Variants in TMPRSS11A observed in about 807,000 individuals in gnomAD.
The protein encoded by TMPRSS11A is transmembrane serine protease 11A.
In TMPRSS11A, 53 loss-of-function variants were observed where a neutral mutation model predicts 58.9. The observed-to-expected ratio is 0.90, with a 90% confidence interval of 0.72 to 1.13. The LOEUF (loss-of-function observed/expected upper bound fraction) is 1.13, where lower values mean the gene tolerates loss of function less well. Ranked by LOEUF, TMPRSS11A falls within the 50% of genes most tolerant of loss-of-function variation. TMPRSS11A has a pLI of 0.00. For missense variants in TMPRSS11A, 493 were observed against 499.3 expected (o/e 0.99, Z 0.12); for synonymous variants, 167 against 169.8 (o/e 0.98, Z 0.13).
At chr4:67,958,789 T>A (rs1237927672) in intron 1 of TMPRSS11A, among the ~76,000 whole-genome samples, 1 of 152,128 alleles carries the variant, frequency 6.6e-6, no homozygotes, top group African/African-American at 2.4e-5. Flanking sequence ...CCAAATCTCA[T>A]CTTGAACTGT....
chr4:67,927,699 C>T lies in TMPRSS11A; in HGVS notation c.481+2181G>A, dbSNP rs187652082. Among the ~76,000 whole-genome samples the T allele has an allele frequency of 1.0e-2, 1,518 of 152,280 alleles. 25 individuals carry two copies. Among genetic ancestry groups the T allele is most frequent in the African/African-American group, 0.034 (1,428 of 41,554 alleles). Reference sequence around the variant, plus strand: ...AGGTTTCTGGCCAGAAAAGCAACACCCCCTAGGCTCCCATATCACTAACAA... The same window carrying T: ...AGGTTTCTGGCCAGAAAAGCAACACTCCCTAGGCTCCCATATCACTAACAA... On this transcript the variant is annotated intron_variant, in intron 5 of 9. Transcript: ENST00000508048.
chr4:67,924,523 C>A (rs1361046593), intron 5 of TMPRSS11A, among the ~76,000 whole-genome samples: 1 of 152,136 alleles, frequency 6.6e-6, no homozygotes, highest in African/African-American at 2.4e-5. Context: ...ACAGAGGAAA[C>A]AGGTTATATT....
Position 67,911,180 on chromosome 4 carries a change from T to A in TMPRSS11A, c.*162A>T, listed in dbSNP as rs1719966269. 4.9e-6 allele frequency: 3 copies of A among 607,578 alleles called. No homozygotes were observed. The highest frequency in any genetic ancestry group is 8.1e-6 in the Non-Finnish European group (3 of 368,776). 37.6% of individuals were successfully genotyped at this position (607,578 alleles called of 1,614,324 possible). A position where few individuals can be genotyped will look rare whatever the true frequency, so the allele number is the denominator to read the frequency against. ...AGTCCCTTATAAATTGGCTAAGGAT[T>A]ATTGGTTGATTAAAGTGATTCTAAA... On this transcript the variant is annotated 3_prime_UTR_variant, in exon 10 of 10. Coordinates refer to ENST00000508048, the MANE Select transcript of TMPRSS11A (RefSeq NM_001114387.2).
chr4:67,930,060 G>C lies in TMPRSS11A; in HGVS notation c.321-20C>G. On this transcript the variant is annotated intron_variant, in intron 4 of 9. Transcript: ENST00000508048. ...TCTGGACTGTGACACACAAAAGAAA[G>C]GTACATTTTCAAAGAATACACCTGG... The C allele has an allele frequency of 6.3e-7, 1 of 1,592,180 alleles. No homozygotes were observed. Among genetic ancestry groups the C allele is most frequent in the Non-Finnish European group, 8.6e-7 (1 of 1,166,136 alleles).
intron 9 of TMPRSS11A, among the ~76,000 whole-genome samples, 189 bp downstream of exon 9, chr4:67,914,399 C>T (rs1720089416): frequency 1.3e-5 from 2 of 152,150 alleles, no homozygotes; most frequent in Admixed American, 1.3e-4. Context: ...TTGATAGCAT[C>T]AGAGAAACTC....
At chr4:67,911,802 C>T (rs1229377998) in intron 9 of TMPRSS11A, among the ~76,000 whole-genome samples, 1 of 152,134 alleles carries the variant, frequency 6.6e-6, no homozygotes. Flanking sequence ...CTCACGCAAG[C>T]TGTTCTCCAA....
At chr4:67,914,803 C>T (rs1720104382) in intron 8 of TMPRSS11A, 73 bp from the exon 9 acceptor site, 1 of 1,285,726 alleles carries the variant, frequency 7.8e-7, no homozygotes, top group South Asian at 1.5e-5. Flanking sequence ...GCAGACTTTC[C>T]TAATATTTTT....
intron 1 of TMPRSS11A, among the ~76,000 whole-genome samples, chr4:67,953,072 C>T (rs12500457): frequency 0.19 from 29,136 of 151,978 alleles, 3,143 homozygotes; most frequent in Admixed American, 0.32. Flanking sequence ...AACCTGGGTC[C>T]CTCGCATGTG....
intron 5 of TMPRSS11A, among the ~76,000 whole-genome samples, chr4:67,929,177 G>A (rs1315751932): frequency 1.3e-5 from 2 of 152,038 alleles, no homozygotes; most frequent in East Asian, 1.9e-4. Context: ...CTTCTATAAA[G>A]GTGAATTTGC....
At chr4:67,913,272 G>C (rs1307930891) in intron 9 of TMPRSS11A, among the ~76,000 whole-genome samples, 1 of 152,134 alleles carries the variant, frequency 6.6e-6, no homozygotes, top group Admixed American at 6.5e-5. Flanking sequence ...GAGGTGATTA[G>C]GTCATGAGGG....
Position 67,946,486 on chromosome 4 carries a change from C to A in TMPRSS11A, c.97G>T (p.Val33Leu). The change falls in exon 2 of 10, where the codon GTG becomes TTG. Residue 33 changes from valine (V) to leucine (L), a missense_variant. Transcript: ENST00000508048. Reference sequence around the variant, plus strand: ...AAGTGAACCAGGAGACCTATGGTCACTGCCACCACTGTCAGGGACAACACA... The same window carrying A: ...AAGTGAACCAGGAGACCTATGGTCAATGCCACCACTGTCAGGGACAACACA... ...LIVLSLTVVAVTIGLLVHFLV... is the reference protein window; with the variant it reads ...LIVLSLTVVALTIGLLVHFLV... 1 of 1,610,096 alleles carries A rather than the reference C, an allele frequency of 6.2e-7. No homozygotes were observed. Among genetic ancestry groups the A allele is most frequent in the Non-Finnish European group, 8.5e-7 (1 of 1,178,204 alleles).
At position 67,910,880 on chromosome 4, in the gene TMPRSS11A, T is replaced by A. The variant is rs1035458955; in HGVS notation, c.*462A>T. Reference sequence around the variant, plus strand: ...AAATTCATTTCTTATGGTGGAAAGGTACTTTGGAAAATCTGATTGAATAAG... The same window carrying A: ...AAATTCATTTCTTATGGTGGAAAGGAACTTTGGAAAATCTGATTGAATAAG... On this transcript the variant is annotated 3_prime_UTR_variant, in exon 10 of 10. Coordinates refer to ENST00000508048, the MANE Select transcript of TMPRSS11A (RefSeq NM_001114387.2). 1 of 152,228 alleles carries A rather than the reference T, an allele frequency of 6.6e-6. No homozygotes were observed. The highest frequency in any genetic ancestry group is 2.4e-5 in the African/African-American group (1 of 41,446). 9.4% of individuals were successfully genotyped at this position (152,228 alleles called of 1,614,324 possible).
chr4:67,911,730 T>C (rs1482325412), intron 9 of TMPRSS11A, among the ~76,000 whole-genome samples: 2 of 152,136 alleles, frequency 1.3e-5, no homozygotes, highest in African/African-American at 4.8e-5. Context: ...CAGCACTTAG[T>C]TAAAAAAGGC....
At position 67,946,510 on chromosome 4, in the gene TMPRSS11A, C is replaced by G; in HGVS notation, c.73G>C (p.Val25Leu). The G allele has an allele frequency of 2.5e-6, 4 of 1,612,776 alleles. No individual in the cohort carries two copies. Among genetic ancestry groups the G allele is most frequent in the Non-Finnish European group, 3.4e-6 (4 of 1,179,430 alleles). ...ACTGCCACCACTGTCAGGGACAACACAATGAGAACGGCAATCATCCATGGC... is the reference window on the plus strand; with the variant it reads ...ACTGCCACCACTGTCAGGGACAACAGAATGAGAACGGCAATCATCCATGGC... ...LKPWMIAVLI[V>L]LSLTVVAVTI... is the part of the protein sequence containing the mutation. Residue 25 changes from valine (V) to leucine (L), a missense_variant, in exon 2 of 10, where the codon GTG becomes CTG. Transcript: ENST00000508048.
chr4:67,962,755 G>T (rs1721469129), intron 1 of TMPRSS11A, among the ~76,000 whole-genome samples: 1 of 152,112 alleles, frequency 6.6e-6, no homozygotes, highest in Non-Finnish European at 1.5e-5. Context: ...CTTTGCACAT[G>T]GCATACCCCA....
chr4:67,914,834 A>G (rs1720105869), intron 8 of TMPRSS11A, 104 bp from the exon 9 acceptor site: 5 of 992,014 alleles, frequency 5.0e-6, no homozygotes. Flanking sequence ...AATTGTCAAT[A>G]CAGAATGAAG....
In TMPRSS11A at chr4:67,911,192, A is replaced by T; in HGVS notation, c.*150T>A. The T allele has an allele frequency of 1.5e-6, 1 of 658,750 alleles. No individual in the cohort carries two copies. The highest frequency in any genetic ancestry group is 2.4e-6 in the Non-Finnish European group (1 of 409,706). The allele number at this position is 658,750 out of a possible 1,614,324, so 40.8% of individuals were successfully genotyped here. On this transcript the variant is annotated 3_prime_UTR_variant, in exon 10 of 10. Coordinates refer to ENST00000508048, the MANE Select transcript of TMPRSS11A (RefSeq NM_001114387.2). ...ATTGGCTAAGGATTATTGGTTGATTAAAGTGATTCTAAATAACTTACGTTG... is the reference window on the plus strand; with the variant it reads ...ATTGGCTAAGGATTATTGGTTGATTTAAGTGATTCTAAATAACTTACGTTG...
At chr4:67,928,946 G>A (rs1459928883) in intron 5 of TMPRSS11A, among the ~76,000 whole-genome samples, 3 of 152,332 alleles carry the variant, frequency 2.0e-5, no homozygotes, top group South Asian at 2.1e-4. Flanking sequence ...CTTAGCGGAC[G>A]AGGGTAAACA....
At position 67,911,348 on chromosome 4, in the gene TMPRSS11A, G is replaced by T; in HGVS notation, c.1251C>A (p.Gly417=). The T allele has an allele frequency of 3.1e-6, 5 of 1,612,746 alleles. No homozygotes were observed. Among genetic ancestry groups the T allele is most frequent in the Non-Finnish European group, 4.2e-6 (5 of 1,179,224 alleles). ...GTTTAACTTTTATCGTGAATTAGAT[G>T]CCTGTTTTTGAAGCAATCCAGTTTC... is the stretch of plus-strand genomic sequence containing the variant. ...YYRNWIASKT[G]I The change falls in exon 10 of 10, where the codon GGC becomes GGA. Residue 417 remains glycine, a synonymous_variant. Coordinates refer to ENST00000508048, the MANE Select transcript of TMPRSS11A (RefSeq NM_001114387.2).
Sources: gnomAD v4.1 joint callset for allele counts (sites outside exome capture counted in the v4.1 genomes callset) on GRCh38, gnomAD v4.1.1 for gene constraint, MANE v1.5 for transcripts, NCBI Gene and HGNC (gene_info 2026-07-23, HGNC 2026-07-21) for gene names.